The following NDST4 variants were observed in gnomAD, a reference collection of about 807,000 sequenced individuals.
NDST4 encodes N-deacetylase and N-sulfotransferase 4.
Under a neutral mutation model 100.8 loss-of-function variants are expected in NDST4, and 63 were observed. The ratio of observed to expected loss-of-function variants is 0.62; its 90% CI spans 0.51 to 0.77. NDST4 has a LOEUF of 0.77. Among genes scored for constraint, NDST4 ranks in the 30% least tolerant of loss-of-function variants. The pLI, the probability that NDST4 is intolerant of heterozygous loss-of-function variation, is 0.00. For missense variants in NDST4, 943 were observed against 1,018.4 expected (o/e 0.93, Z 1.01); for synonymous variants, 377 against 361.8 (o/e 1.04, Z -0.48).
chr4:114,831,334 G>A (rs1723197245), intron 12 of NDST4, among the ~76,000 whole-genome samples: 1 of 151,708 alleles, frequency 6.6e-6, no homozygotes, highest in African/African-American at 2.4e-5. Flanking sequence ...TTACAGGCGT[G>A]AGCCACCGCG....
intron 2 of NDST4, among the ~76,000 whole-genome samples, chr4:115,027,960 G>C (rs1728025108): frequency 6.6e-6 from 1 of 151,874 alleles, no homozygotes; most frequent in Admixed American, 6.6e-5. Flanking sequence ...GGTTGAGGCA[G>C]GAGAATCTCT....
chr4:115,059,526 C>T (rs1728773878), intron 2 of NDST4, among the ~76,000 whole-genome samples: 1 of 152,006 alleles, frequency 6.6e-6, no homozygotes, highest in African/African-American at 2.4e-5. Flanking sequence ...CACTAAGAAC[C>T]TACATCTGGG....
chr4:114,927,874 T>C (rs1264842106), intron 6 of NDST4, among the ~76,000 whole-genome samples: 10 of 152,200 alleles, frequency 6.6e-5, no homozygotes, highest in East Asian at 1.9e-4. Context: ...TCACCTCTTC[T>C]ACTTATAAGT....
At chr4:115,065,839 A>T (rs502179) in intron 2 of NDST4, among the ~76,000 whole-genome samples, 30,258 of 151,896 alleles carry the variant, frequency 0.2, 3,717 homozygotes, top group East Asian at 0.45. Context: ...ACTATTTCTC[A>T]TTTACCTTGT....
intron 2 of NDST4, among the ~76,000 whole-genome samples, chr4:114,992,407 T>C (rs1578437526): frequency 2.0e-5 from 3 of 151,966 alleles, no homozygotes; most frequent in African/African-American, 4.8e-5. Flanking sequence ...CATTATGTGA[T>C]GCATTTATTA....
At chr4:114,869,824 C>T (rs913765128) in intron 7 of NDST4, among the ~76,000 whole-genome samples, 1 of 152,126 alleles carries the variant, frequency 6.6e-6, no homozygotes, top group Non-Finnish European at 1.5e-5. Context: ...CTAGCCTTAC[C>T]TTACACATAA....
chr4:114,960,896 G>A (rs189144785), intron 4 of NDST4, among the ~76,000 whole-genome samples: 214 of 152,094 alleles, frequency 1.4e-3, no homozygotes, highest in African/African-American at 4.9e-3. Flanking sequence ...CTTATTTCAA[G>A]TTTTAAAAAC....
chr4:115,045,621 C>G (rs1472666833), intron 2 of NDST4, among the ~76,000 whole-genome samples: 1 of 152,124 alleles, frequency 6.6e-6, no homozygotes, highest in East Asian at 1.9e-4. Context: ...CAACAGATCC[C>G]CTACCATCCC....
intron 9 of NDST4, 39 bp from the exon 10 acceptor site, chr4:114,846,036 A>T (rs1723542554): frequency 2.0e-6 from 3 of 1,466,706 alleles, no homozygotes; most frequent in Middle Eastern, 1.8e-4. Context: ...TCTGAAAATA[A>T]TTTTTCTTGC....
At chr4:115,105,309 C>G (rs1457508969) in intron 1 of NDST4, among the ~76,000 whole-genome samples, 1 of 152,058 alleles carries the variant, frequency 6.6e-6, no homozygotes, top group Non-Finnish European at 1.5e-5. Flanking sequence ...CTTTCTTGGA[C>G]TGTCTCAAAA....
chr4:115,069,218 A>G (rs1729018126), intron 2 of NDST4, among the ~76,000 whole-genome samples: 1 of 152,324 alleles, frequency 6.6e-6, no homozygotes, highest in South Asian at 2.1e-4. Flanking sequence ...GACATGAGAT[A>G]GTCATAGTTG....
intron 6 of NDST4, among the ~76,000 whole-genome samples, chr4:114,929,494 G>C (rs1008470961): frequency 6.6e-6 from 1 of 151,984 alleles, no homozygotes; most frequent in East Asian, 1.9e-4. Flanking sequence ...GTCTGTCCTG[G>C]TCTCTATCAT....
At position 114,919,530 on chromosome 4, in the gene NDST4, G is replaced by A. The variant is rs138033865; in HGVS notation, c.1536+15676C>T. On this transcript the variant is annotated intron_variant, in intron 6 of 13. Coordinates refer to ENST00000264363, the MANE Select transcript of NDST4 (RefSeq NM_022569.3). ...CCTGAGGGACAAACAATCCTGGCATGTATGAAAACCTATATGGAAAGAAGG... is the reference window on the plus strand; with the variant it reads ...CCTGAGGGACAAACAATCCTGGCATATATGAAAACCTATATGGAAAGAAGG... 3.8e-3 allele frequency among the ~76,000 whole-genome samples: 573 copies of A among 152,258 alleles called. 5 individuals are homozygous for A. The highest frequency in any genetic ancestry group is 0.013 in the African/African-American group (548 of 41,550).
At chr4:114,831,229 T>A (rs1723191280) in intron 12 of NDST4, among the ~76,000 whole-genome samples, 1 of 149,778 alleles carries the variant, frequency 6.7e-6, no homozygotes, top group African/African-American at 2.5e-5. Flanking sequence ...ATTTTTTGTA[T>A]TTTTAGTAGA....
At chr4:114,942,076 T>G (rs573799283) in intron 4 of NDST4, among the ~76,000 whole-genome samples, 3 of 152,236 alleles carry the variant, frequency 2.0e-5, no homozygotes, top group Non-Finnish European at 4.4e-5. Context: ...GATACTATCA[T>G]GTAATGTATG....
chr4:115,056,254 A>C (rs2126281151), intron 2 of NDST4, among the ~76,000 whole-genome samples: 1 of 152,138 alleles, frequency 6.6e-6, no homozygotes, highest in African/African-American at 2.4e-5. Context: ...TGGGAGGCTG[A>C]GTTAGGAGGA....
At chr4:114,973,956 T>C (rs938114733) in intron 3 of NDST4, among the ~76,000 whole-genome samples, 2 of 151,870 alleles carry the variant, frequency 1.3e-5, no homozygotes, top group Non-Finnish European at 2.9e-5. Context: ...TAAACATTGA[T>C]TAAAAGCTAC....
intron 1 of NDST4, among the ~76,000 whole-genome samples, chr4:115,107,482 T>C (rs539744362): frequency 6.6e-6 from 1 of 150,962 alleles, no homozygotes; most frequent in Admixed American, 6.6e-5. Flanking sequence ...CTCATCACAT[T>C]TTTCTACAAG....
At chr4:114,944,792 C>G (rs1003071345) in intron 4 of NDST4, among the ~76,000 whole-genome samples, 1 of 152,118 alleles carries the variant, frequency 6.6e-6, no homozygotes, top group Non-Finnish European at 1.5e-5. Context: ...CAAACATATC[C>G]GAAAGCTTCA....
Sources: allele counts gnomAD v4.1 joint callset (sites outside exome capture counted in the v4.1 genomes callset), GRCh38; gene constraint gnomAD v4.1.1; transcripts MANE v1.5; gene names NCBI Gene and HGNC (gene_info 2026-07-23, HGNC 2026-07-21).